Variants in C1orf167 observed in about 807,000 individuals in gnomAD.
C1orf167 encodes uncharacterized protein C1orf167.
C1orf167 carries 153 observed loss-of-function variants against 176.5 expected under a neutral mutation model. The ratio of observed to expected loss-of-function variants is 0.87; its 90% CI spans 0.76 to 0.99. The LOEUF (loss-of-function observed/expected upper bound fraction) is 0.99, where lower values mean the gene tolerates loss of function less well. Ranked by LOEUF, C1orf167 falls within the 50% of genes least tolerant of loss-of-function variation. C1orf167 has a pLI of 0.00. For missense variants in C1orf167, 1,490 were observed against 1,817.7 expected (o/e 0.82, Z 3.28); for synonymous variants, 594 against 752.7 (o/e 0.79, Z 3.45).
At position 11,771,069 on chromosome 1, in the gene C1orf167, ATTT is replaced by A. The variant is rs147195468; in HGVS notation, c.1698-430_1698-428del. Among the ~76,000 whole-genome samples, 312 of 47,006 alleles carry A rather than the reference ATTT, an allele frequency of 6.6e-3. 11 individuals are homozygous for A. The highest frequency in any genetic ancestry group is 0.014 in the South Asian group (12 of 884). The allele number at this position is 47,006 out of a possible 152,430, so 30.8% of individuals were successfully genotyped here. ...TGTGTGTATATATATATATATATATATTTTTTTTTTTTTTTTTTTTTTTTTTTG... is the reference window on the plus strand; with the variant it reads ...TGTGTGTATATATATATATATATATATTTTTTTTTTTTTTTTTTTTTTTTG... On this transcript the variant is annotated intron_variant, in intron 6 of 20. Transcript: ENST00000688073.
chr1:11,785,452 G>A (rs1001128797), intron 16 of C1orf167, among the ~76,000 whole-genome samples, 163 bp downstream of exon 16: 13 of 152,322 alleles, frequency 8.5e-5, no homozygotes, highest in African/African-American at 2.2e-4. Flanking sequence ...GAATCAGCTT[G>A]ATTCAGCCGG....
chr1:11,787,270 A>T, intron 16 of C1orf167, 118 bp from the exon 17 acceptor site: 1 of 370,048 alleles, frequency 2.7e-6, no homozygotes, highest in Non-Finnish European at 4.3e-6. Flanking sequence ...CACATGGGGG[A>T]ATGGGTGGAA....
In C1orf167 at chr1:11,768,395, A is replaced by T. The variant is rs1642904984; in HGVS notation, c.1542+120A>T. 3 of 888,404 alleles carry T rather than the reference A, an allele frequency of 3.4e-6. No homozygotes were observed. The African/African-American group carries it at 5.2e-5, about 15-fold the overall frequency. The allele number at this position is 888,404 out of a possible 1,614,324, so 55.0% of individuals were successfully genotyped here. A position where few individuals can be genotyped will look rare whatever the true frequency, so the allele number is the denominator to read the frequency against. On this transcript the variant is annotated intron_variant, in intron 5 of 20. Transcript: ENST00000688073. This position sits in a 1 kb window ranked among gnomAD's most constrained non-coding sequence, Gnocchi z 4.5. ...AGGTGGCACCTCATGAATGATCAGC[A>T]GTAAAGGGTGTAGTTGTGAGTCCAC... is the stretch of plus-strand genomic sequence containing the variant.
At chr1:11,776,011 C>T (rs1570405257) in intron 9 of C1orf167, among the ~76,000 whole-genome samples, 1 of 152,220 alleles carries the variant, frequency 6.6e-6, no homozygotes, top group South Asian at 2.1e-4. Flanking sequence ...TAATCCCACA[C>T]TTTGGGAGGC....
chr1:11,762,539 G>A (rs1334696899), intron 1 of C1orf167, among the ~76,000 whole-genome samples: 1 of 152,192 alleles, frequency 6.6e-6, no homozygotes, highest in Non-Finnish European at 1.5e-5. Flanking sequence ...GGCAAGAGGG[G>A]ATGGTGGGGT....
intron 7 of C1orf167, 41 bp from the exon 8 acceptor site, chr1:11,772,041 G>A: frequency 7.9e-7 from 1 of 1,269,048 alleles, no homozygotes; most frequent in Non-Finnish European, 1.0e-6. Context: ...CCTCCCATCT[G>A]CTTACTCTCT....
At position 11,768,648 on chromosome 1, in the gene C1orf167, T is replaced by C. The variant is rs988040477; in HGVS notation, c.1543-325T>C. On this transcript the variant is annotated intron_variant, in intron 5 of 20. Coordinates refer to ENST00000688073, the MANE Select transcript of C1orf167 (RefSeq NM_001010881.2). This position sits in a 1 kb window ranked among gnomAD's most constrained non-coding sequence, Gnocchi z 4.5. ...AGCAAGCTAGTAGATAAGTGGTTGC[T>C]ATTTTTTATTAGAGGTTTGCCAGCC... 2.6e-5 allele frequency among the ~76,000 whole-genome samples: 4 copies of C among 152,224 alleles called. No individual in the cohort carries two copies. The highest frequency in any genetic ancestry group is 2.9e-5 in the Non-Finnish European group (2 of 68,042).
chr1:11,770,958 C>T (rs1429181072), intron 6 of C1orf167, among the ~76,000 whole-genome samples: 6 of 105,338 alleles, frequency 5.7e-5, no homozygotes, highest in African/African-American at 2.0e-4. Context: ...GTGTGTGCCA[C>T]CACACTGGCT....
rs1055751313 is a variant in C1orf167, at chr1:11,787,905, C to G, written c.3706C>G (p.Gln1236Glu). ...CREHSLCPAF[Q>E]LWPQWPGQSS... ...GGAACATTCCCTCTGCCCTGCCTTC[C>G]AGCTCTGGCCACAGTGGCCTGGACA... The change falls in exon 18 of 21, where the codon CAG becomes GAG. Residue 1236 changes from glutamine to glutamate, a missense_variant. Gln to Glu is a conservative substitution (Grantham distance 29, BLOSUM62 2). Transcript: ENST00000688073. The G allele has an allele frequency of 5.6e-6, 7 of 1,256,468 alleles. No homozygotes were observed. The highest frequency in any genetic ancestry group is 7.2e-6 in the Non-Finnish European group (7 of 967,476). The allele number at this position is 1,256,468 out of a possible 1,614,324, so 77.8% of individuals were successfully genotyped here.
chr1:11,776,671 G>A lies in C1orf167; in HGVS notation c.2339+33G>A, dbSNP rs1358027975. On this transcript the variant is annotated intron_variant, in intron 10 of 20. Coordinates refer to ENST00000688073, the MANE Select transcript of C1orf167 (RefSeq NM_001010881.2). ...TCCTCGAGCTTGTGACCTGGGGTTG[G>A]GCCTGGGGGCTGTGGGGTGGGCACG... The A allele has an allele frequency of 1.2e-5, 14 of 1,191,160 alleles. No individual in the cohort carries two copies. The Middle Eastern group carries it at 1.1e-3, about 95-fold the overall frequency. The allele number at this position is 1,191,160 out of a possible 1,614,324, so 73.8% of individuals were successfully genotyped here.
chr1:11,765,299 C>G (rs1194663958), intron 2 of C1orf167, among the ~76,000 whole-genome samples: 2 of 152,032 alleles, frequency 1.3e-5, no homozygotes, highest in Non-Finnish European at 2.9e-5. Flanking sequence ...TCATCCATCC[C>G]CACAAGGACT....
At chr1:11,770,386 A>C (rs1642994310) in intron 6 of C1orf167, among the ~76,000 whole-genome samples, 1 of 152,150 alleles carries the variant, frequency 6.6e-6, no homozygotes, top group Admixed American at 6.5e-5. Context: ...TTTCATTTAA[A>C]AATGCTAAAA....
At chr1:11,762,444 C>T (rs995553286) in intron 1 of C1orf167, among the ~76,000 whole-genome samples, 139 bp downstream of exon 1, 1 of 151,942 alleles carries the variant, frequency 6.6e-6, no homozygotes, top group Non-Finnish European at 1.5e-5. Flanking sequence ...GGACGAGGAG[C>T]GGAGAAATGG....
intron 2 of C1orf167, among the ~76,000 whole-genome samples, chr1:11,764,923 G>A (rs1289301570): frequency 6.6e-6 from 1 of 151,882 alleles, no homozygotes; most frequent in South Asian, 2.1e-4. Context: ...GCATGATGGC[G>A]GGTGCCTGTA....
chr1:11,768,058 A>G lies in C1orf167; in HGVS notation c.1344-19A>G. 7.9e-7 allele frequency: 1 copy of G among 1,267,058 alleles called. No homozygotes were observed. The highest frequency in any genetic ancestry group is 1.0e-6 in the Non-Finnish European group (1 of 975,586). 78.5% of individuals were successfully genotyped at this position (1,267,058 alleles called of 1,614,324 possible). A position where few individuals can be genotyped will look rare whatever the true frequency, so the allele number is the denominator to read the frequency against. On this transcript the variant is annotated intron_variant, in intron 4 of 20. Coordinates refer to ENST00000688073, the MANE Select transcript of C1orf167 (RefSeq NM_001010881.2). This position sits in a 1 kb window ranked among gnomAD's most constrained non-coding sequence, Gnocchi z 4.5. ...TAGGAGGGCAGTCCACACCCTGATC[A>G]GCCCTGGTCTGTCCCCAGCTGGCAG... is the stretch of plus-strand genomic sequence containing the variant.
In C1orf167 at chr1:11,776,646, T is replaced by A. The variant is rs1643330354; in HGVS notation, c.2339+8T>A. On this transcript the variant is annotated splice_region_variant and intron_variant, in intron 10 of 20. Coordinates refer to ENST00000688073, the MANE Select transcript of C1orf167 (RefSeq NM_001010881.2). Reference sequence around the variant, plus strand: ...CCAGCGCCAGTGGGCCAAGTAGGTGTCCTCGAGCTTGTGACCTGGGGTTGG... The same window carrying A: ...CCAGCGCCAGTGGGCCAAGTAGGTGACCTCGAGCTTGTGACCTGGGGTTGG... 1.7e-6 allele frequency: 2 copies of A among 1,194,934 alleles called. No individual in the cohort carries two copies. Among genetic ancestry groups the A allele is most frequent in the Admixed American group, 3.7e-5 (1 of 27,300 alleles). The allele number at this position is 1,194,934 out of a possible 1,614,324, so 74.0% of individuals were successfully genotyped here. A position where few individuals can be genotyped will look rare whatever the true frequency, so the allele number is the denominator to read the frequency against.
In C1orf167 at chr1:11,768,015, C is replaced by T; in HGVS notation, c.1344-62C>T. On this transcript the variant is annotated intron_variant, in intron 4 of 20. Coordinates refer to ENST00000688073, the MANE Select transcript of C1orf167 (RefSeq NM_001010881.2). The surrounding 1 kb of genome is among the most constrained non-coding windows in gnomAD (Gnocchi z 4.5). ...AGGCATCTCAGAGGGTATCCAGCCA[C>T]TGGGCTGTCCCTGGGGATAGGAGGG... 1 of 1,189,172 alleles carries T rather than the reference C, an allele frequency of 8.4e-7. No homozygotes were observed. The highest frequency in any genetic ancestry group is 1.5e-5 in the South Asian group (1 of 68,632). The allele number at this position is 1,189,172 out of a possible 1,614,324, so 73.7% of individuals were successfully genotyped here. A position where few individuals can be genotyped will look rare whatever the true frequency, so the allele number is the denominator to read the frequency against.
rs1382731496 is a variant in C1orf167, at chr1:11,788,043, C to A, written c.3844C>A (p.Leu1282Ile). The change falls in exon 18 of 21, where the codon CTA becomes ATA. Residue 1282 changes from leucine to isoleucine, a missense_variant. Physicochemically the swap from Leu to Ile is conservative, Grantham distance 5 (BLOSUM62 2). Coordinates refer to ENST00000688073, the MANE Select transcript of C1orf167 (RefSeq NM_001010881.2). The part of the protein sequence containing the change: ...KAQSKAHKRR[L>I]RARSCRILEK... ...CCAAAGCAAGGCCCATAAACGGAGG[C>A]TACGGTAAGAGGAGCTGTGTGTGCA... 2 of 1,295,508 alleles carry A rather than the reference C, an allele frequency of 1.5e-6. No homozygotes were observed. Among genetic ancestry groups the A allele is most frequent in the Non-Finnish European group, 1.0e-6 (1 of 983,860 alleles). The allele number at this position is 1,295,508 out of a possible 1,614,324, so 80.3% of individuals were successfully genotyped here.
chr1:11,776,332 G>A, intron 9 of C1orf167, 132 bp from the exon 10 acceptor site: 1 of 765,538 alleles, frequency 1.3e-6, no homozygotes, highest in South Asian at 1.8e-5. Flanking sequence ...CTGGAGGGGA[G>A]GGCTTGGAAG....
Sources: allele counts gnomAD v4.1 joint callset (sites outside exome capture counted in the v4.1 genomes callset), GRCh38; gene constraint gnomAD v4.1.1; non-coding constraint Gnocchi (gnomAD v3.1); transcripts MANE v1.5; gene names NCBI Gene and HGNC (gene_info 2026-07-23, HGNC 2026-07-21).